SGCZ: variants seen among roughly 807,000 people sequenced by gnomAD.
SGCZ encodes the protein sarcoglycan zeta.
SGCZ carries 40 observed loss-of-function variants against 41.3 expected under a neutral mutation model. The observed-to-expected ratio is 0.97, with a 90% CI of 0.75 to 1.26. SGCZ has a LOEUF of 1.26. SGCZ is among the 50% of genes most tolerant of loss of function. The pLI, the probability that SGCZ is intolerant of heterozygous loss-of-function variation, is 0.00. For synonymous variants in SGCZ, 206 were observed against 137.5 expected, an observed-to-expected ratio of 1.50 and a Z score of -3.49; for missense variants, 552 against 369.8, an observed-to-expected ratio of 1.49 and a Z score of -4.04.
At chr8:14,808,240 G>T (rs1241676469) in intron 1 of SGCZ, among the ~76,000 whole-genome samples, 3 of 152,126 alleles carry the variant, frequency 2.0e-5, no homozygotes, top group South Asian at 2.1e-4. Flanking sequence ...TGGGATCTAA[G>T]TAAACTAAAG....
At chr8:15,035,859 G>C (rs545266729) in intron 1 of SGCZ, among the ~76,000 whole-genome samples, 1 of 152,208 alleles carries the variant, frequency 6.6e-6, no homozygotes, top group Admixed American at 6.5e-5. Flanking sequence ...GCTCCAAAGA[G>C]AGGGATAGAC....
intron 1 of SGCZ, among the ~76,000 whole-genome samples, chr8:14,698,633 G>C (rs975292960): frequency 1.4e-4 from 22 of 151,914 alleles, no homozygotes; most frequent in Non-Finnish European, 7.4e-5. Context: ...TATGTGTGGG[G>C]GGGTATAATC....
At chr8:14,315,283 G>A (rs746781981) in intron 3 of SGCZ, among the ~76,000 whole-genome samples, 8 of 152,170 alleles carry the variant, frequency 5.3e-5, no homozygotes, top group East Asian at 1.9e-4. Context: ...AGCAAATTAC[G>A]TTATATAGAA....
intron 4 of SGCZ, among the ~76,000 whole-genome samples, chr8:14,172,796 G>T (rs4831541): frequency 1.3e-5 from 2 of 152,004 alleles, no homozygotes; most frequent in South Asian, 4.1e-4. Context: ...GCAATGAAAC[G>T]GAGAAAGGGA....
At chr8:14,353,121 G>A (rs574444378) in intron 2 of SGCZ, among the ~76,000 whole-genome samples, 16 of 151,626 alleles carry the variant, frequency 1.1e-4, no homozygotes, top group Non-Finnish European at 2.2e-4. Flanking sequence ...TATGACCTTG[G>A]GCAAGTTACC....
At chr8:14,975,214 G>T (rs1013333842) in intron 1 of SGCZ, among the ~76,000 whole-genome samples, 9 of 152,132 alleles carry the variant, frequency 5.9e-5, no homozygotes, top group Non-Finnish European at 5.9e-5. Flanking sequence ...GCTGAGGCAG[G>T]AGAATCATTT....
intron 4 of SGCZ, among the ~76,000 whole-genome samples, chr8:14,209,392 T>C (rs187319682): frequency 6.6e-6 from 1 of 151,984 alleles, no homozygotes; most frequent in Non-Finnish European, 1.5e-5. Flanking sequence ...CTTGTGTGTG[T>C]TTTCCTGACC....
chr8:14,418,861 G>A (rs1799565787), intron 2 of SGCZ, among the ~76,000 whole-genome samples: 1 of 151,862 alleles, frequency 6.6e-6, no homozygotes, highest in African/African-American at 2.4e-5. Flanking sequence ...ACAGTTTTGT[G>A]GAACCCCCAC....
chr8:14,500,239 T>C (rs570196049), intron 2 of SGCZ, among the ~76,000 whole-genome samples: 69 of 152,154 alleles, frequency 4.5e-4, no homozygotes, highest in African/African-American at 1.6e-3. Context: ...TAAAATCAGA[T>C]GTAATGTAGT....
chr8:14,333,435 A>G (rs73664305), intron 2 of SGCZ, among the ~76,000 whole-genome samples: 6,840 of 152,226 alleles, frequency 0.045, 510 homozygotes, highest in African/African-American at 0.15. Flanking sequence ...ATCTTTTAAC[A>G]AGGCAATAAA....
intron 1 of SGCZ, among the ~76,000 whole-genome samples, chr8:14,771,215 T>C (rs1800226209): frequency 6.6e-6 from 1 of 152,126 alleles, no homozygotes; most frequent in South Asian, 2.1e-4. Flanking sequence ...TATTTATTGA[T>C]AGTGATCACC....
intron 5 of SGCZ, among the ~76,000 whole-genome samples, 186 bp downstream of exon 5, chr8:14,164,394 A>G (rs1804141289): frequency 6.6e-6 from 1 of 152,080 alleles, no homozygotes; most frequent in Non-Finnish European, 1.5e-5. Flanking sequence ...GGCTGCTAAT[A>G]TTTGCATTCT....
At chr8:15,087,983 C>T (rs975945943) in intron 1 of SGCZ, among the ~76,000 whole-genome samples, 4 of 147,036 alleles carry the variant, frequency 2.7e-5, no homozygotes, top group African/African-American at 1.1e-4. Context: ...TTACTATATA[C>T]CTCATATGTC....
At chr8:15,170,783 A>G (rs1799805035) in intron 1 of SGCZ, among the ~76,000 whole-genome samples, 2 of 152,352 alleles carry the variant, frequency 1.3e-5, no homozygotes, top group African/African-American at 4.8e-5. Context: ...TGAGCTCCCT[A>G]TAGGAATAAA....
Position 15,189,585 on chromosome 8 carries a change from G to C in SGCZ, c.39+48000C>G, listed in dbSNP as rs182993011. ...TTGAAGCATTTTTTTTTTTGAGATA[G>C]AGTCTTGCTCTATTGCCCAGGCTAG... On this transcript the variant is annotated intron_variant, in intron 1 of 7. Coordinates refer to ENST00000382080, the MANE Select transcript of SGCZ (RefSeq NM_139167.4). Among the ~76,000 whole-genome samples the C allele has an allele frequency of 2.0e-3, 302 of 150,942 alleles. 2 individuals carry two copies. Among genetic ancestry groups the C allele is most frequent in the Non-Finnish European group, 3.0e-3 (201 of 67,760 alleles).
intron 4 of SGCZ, among the ~76,000 whole-genome samples, chr8:14,198,535 C>A (rs2117063776): frequency 6.6e-6 from 1 of 151,756 alleles, no homozygotes; most frequent in African/African-American, 2.4e-5. Context: ...GTACAAACCC[C>A]AGTATCATGT....
At chr8:15,031,426 A>G (rs1052738018) in intron 1 of SGCZ, among the ~76,000 whole-genome samples, 2 of 152,150 alleles carry the variant, frequency 1.3e-5, no homozygotes, top group Non-Finnish European at 2.9e-5. Context: ...GTTTTGCATT[A>G]GGCTAAGATC....
rs556864963 is a variant in SGCZ, at chr8:14,459,856, T to C, written c.234+94876A>G. Among the ~76,000 whole-genome samples the C allele has an allele frequency of 4.6e-5, 7 of 152,108 alleles. 1 individual carries two copies. Among genetic ancestry groups the C allele is most frequent in the African/African-American group, 1.4e-4 (6 of 41,498 alleles). On this transcript the variant is annotated intron_variant, in intron 2 of 7. Transcript: ENST00000382080. ...AAAGAAAACATCAGAGAACCCCAAA[T>C]TGAGAGACATATTTTACAAAATAAC...
At chr8:15,176,541 C>A (rs1800005943) in intron 1 of SGCZ, among the ~76,000 whole-genome samples, 1 of 151,964 alleles carries the variant, frequency 6.6e-6, no homozygotes, top group Admixed American at 6.6e-5. Context: ...GCTTAAAGAG[C>A]CATGGAAATT....
Sources: gnomAD v4.1 joint callset for allele counts (sites outside exome capture counted in the v4.1 genomes callset) on GRCh38, gnomAD v4.1.1 for gene constraint, MANE v1.5 for transcripts, NCBI Gene and HGNC (gene_info 2026-07-23, HGNC 2026-07-21) for gene names.